SYT2: variants seen among roughly 807,000 people sequenced by gnomAD.
SYT2 encodes synaptotagmin-2.
SYT2 carries 15 observed loss-of-function variants against 39.9 expected under a neutral mutation model. The observed-to-expected ratio is 0.38, with a 90% CI of 0.25 to 0.58. The LOEUF is 0.58. Ranked by LOEUF, SYT2 falls within the 20% of genes least tolerant of loss-of-function variation. SYT2 has a pLI of 0.70. For missense variants in SYT2, 389 were observed against 530.3 expected (o/e 0.73, Z 2.62); for synonymous variants, 181 against 204.5 (o/e 0.89, Z 0.98).
At chr1:202,620,158 C>T (rs763320570) in intron 1 of SYT2, among the ~76,000 whole-genome samples, 6 of 152,216 alleles carry the variant, frequency 3.9e-5, no homozygotes, top group Non-Finnish European at 8.8e-5. Flanking sequence ...GCAGGAATTC[C>T]CTTCTCTCCC....
intron 1 of SYT2, among the ~76,000 whole-genome samples, chr1:202,622,635 C>T (rs574949880): frequency 2.6e-5 from 4 of 152,310 alleles, no homozygotes; most frequent in Non-Finnish European, 4.4e-5. Flanking sequence ...CTTGGGCTGG[C>T]CTGTTAGCCT....
At chr1:202,625,731 C>A (rs1327063563) in intron 1 of SYT2, among the ~76,000 whole-genome samples, 2 of 152,112 alleles carry the variant, frequency 1.3e-5, no homozygotes, top group Non-Finnish European at 2.9e-5. Context: ...AACGCTCACA[C>A]CCTGGAAAGG....
Position 202,623,664 on chromosome 1 carries a change from G to T in SYT2, c.-17-17875C>A, listed in dbSNP as rs374704022. 6.6e-6 allele frequency among the ~76,000 whole-genome samples: 1 copy of T among 152,214 alleles called. No homozygotes were observed. The highest frequency in any genetic ancestry group is 1.5e-5 in the Non-Finnish European group (1 of 68,026). Reference sequence around the variant, plus strand: ...AGGATACGGAAAGTGTGTAGGGGGGGTGCACCCGTGGGCCCCAGGAGGTCT... The same window carrying T: ...AGGATACGGAAAGTGTGTAGGGGGGTTGCACCCGTGGGCCCCAGGAGGTCT... On this transcript the variant is annotated intron_variant, in intron 1 of 8. Transcript: ENST00000367268. This position sits in a 1 kb window ranked among gnomAD's most constrained non-coding sequence, Gnocchi z 4.2.
intron 1 of SYT2, among the ~76,000 whole-genome samples, chr1:202,635,491 A>G (rs957615216): frequency 6.6e-6 from 1 of 152,238 alleles, no homozygotes; most frequent in Non-Finnish European, 1.5e-5. Context: ...ATGGGGCAGA[A>G]GAAACATAGT....
At chr1:202,700,317 G>A (rs532843458) in intron 1 of SYT2, among the ~76,000 whole-genome samples, 5 of 152,292 alleles carry the variant, frequency 3.3e-5, no homozygotes. Context: ...CCCAGGTTCT[G>A]CCCTGTGACA....
intron 1 of SYT2, among the ~76,000 whole-genome samples, chr1:202,622,668 G>A (rs1419761975): frequency 6.6e-6 from 1 of 152,176 alleles, no homozygotes; most frequent in South Asian, 2.1e-4. Flanking sequence ...GCAGCTGTGT[G>A]TGGGGGTTAA....
chr1:202,635,836 C>G (rs550060406), intron 1 of SYT2, among the ~76,000 whole-genome samples: 1 of 152,308 alleles, frequency 6.6e-6, no homozygotes, highest in African/African-American at 2.4e-5. Context: ...ATGAGCAGAT[C>G]AGGTTGGCTC....
chr1:202,688,676 G>A (rs1266596249), intron 1 of SYT2, among the ~76,000 whole-genome samples: 2 of 152,206 alleles, frequency 1.3e-5, no homozygotes, highest in East Asian at 3.9e-4. Flanking sequence ...GGAACAAGAG[G>A]ACACATTCGT....
At chr1:202,690,378 G>A (rs1653790028) in intron 1 of SYT2, among the ~76,000 whole-genome samples, 2 of 152,200 alleles carry the variant, frequency 1.3e-5, no homozygotes, top group African/African-American at 4.8e-5. Context: ...AGCAGAGGTG[G>A]CTGGGCAAAA....
At chr1:202,685,422 G>A (rs1653637423) in intron 1 of SYT2, among the ~76,000 whole-genome samples, 1 of 151,996 alleles carries the variant, frequency 6.6e-6, no homozygotes. Flanking sequence ...AGGCATCAGG[G>A]GCTTTTAAAT....
At chr1:202,691,290 C>T (rs1218181196) in intron 1 of SYT2, among the ~76,000 whole-genome samples, 2 of 152,140 alleles carry the variant, frequency 1.3e-5, no homozygotes, top group Non-Finnish European at 2.9e-5. Flanking sequence ...CTGCTCCAGG[C>T]TAAGTGCCCT....
chr1:202,611,078 T>C (rs1690872508), intron 1 of SYT2, among the ~76,000 whole-genome samples: 1 of 152,230 alleles, frequency 6.6e-6, no homozygotes, highest in African/African-American at 2.4e-5. Flanking sequence ...GTAATCCCAG[T>C]GGAGGTGAAG....
At chr1:202,675,743 C>A (rs114216225) in intron 1 of SYT2, among the ~76,000 whole-genome samples, 36 of 152,262 alleles carry the variant, frequency 2.4e-4, no homozygotes, top group African/African-American at 8.4e-4. Context: ...TTCCTCTAAC[C>A]GGTCCAAGCA....
At chr1:202,618,202 T>C (rs1691100056) in intron 1 of SYT2, among the ~76,000 whole-genome samples, 1 of 152,058 alleles carries the variant, frequency 6.6e-6, no homozygotes, top group South Asian at 2.1e-4. Context: ...GACTTTGAGA[T>C]TGGGTCACAT....
chr1:202,708,207 A>G (rs1572691504), intron 1 of SYT2, among the ~76,000 whole-genome samples: 2 of 152,024 alleles, frequency 1.3e-5, no homozygotes, highest in Admixed American at 1.3e-4. Flanking sequence ...AAGCTGAAAA[A>G]GAAATGTTCC....
intron 1 of SYT2, among the ~76,000 whole-genome samples, chr1:202,691,720 AGGGAGAGGGGGG>A (rs1653830304): frequency 3.0e-4 from 9 of 30,212 alleles, no homozygotes; most frequent in East Asian, 3.0e-3. Flanking sequence ...GGAGAGGGAG[AGGGAGAGGGGGG>A]GAGAGAGAGA....
At chr1:202,656,367 A>G (rs1054444092) in intron 1 of SYT2, among the ~76,000 whole-genome samples, 10 of 152,162 alleles carry the variant, frequency 6.6e-5, no homozygotes, top group Non-Finnish European at 1.2e-4. Flanking sequence ...TCTTGATTTT[A>G]GACTCAGAGC....
At position 202,595,124 on chromosome 1, in the gene SYT2, G is replaced by A. The variant is rs1004869464; in HGVS notation, c.*1633C>T. ...GCCTGAGGGCTTCATGGATGGAAAA[G>A]AGAGGTCAAAGGAAGGCAGGCAAGG... On this transcript the variant is annotated 3_prime_UTR_variant, in exon 9 of 9. Coordinates refer to ENST00000367268, the MANE Select transcript of SYT2 (RefSeq NM_177402.5). 4 of 152,298 alleles carry A rather than the reference G, an allele frequency of 2.6e-5. No homozygotes were observed. The highest frequency in any genetic ancestry group is 6.5e-5 in the Admixed American group (1 of 15,286). 9.4% of individuals were successfully genotyped at this position (152,298 alleles called of 1,614,324 possible).
At chr1:202,640,733 TCAGAGAGA>T (rs1558443718) in intron 1 of SYT2, among the ~76,000 whole-genome samples, 2 of 92,110 alleles carry the variant, frequency 2.2e-5, no homozygotes, top group African/African-American at 4.0e-5. Flanking sequence ...GTCCTAATGG[TCAGAGAGA>T]GAGAGAGAGA....
Sources: allele counts gnomAD v4.1 joint callset (sites outside exome capture counted in the v4.1 genomes callset), GRCh38; gene constraint gnomAD v4.1.1; non-coding constraint Gnocchi (gnomAD v3.1); transcripts MANE v1.5; gene names NCBI Gene and HGNC (gene_info 2026-07-23, HGNC 2026-07-21).